The following ZZEF1 variants were observed in gnomAD, a reference collection of about 807,000 sequenced individuals.
ZZEF1 encodes the protein zinc finger ZZ-type and EF-hand domain-containing protein 1.
In ZZEF1, 157 loss-of-function variants were observed where a neutral mutation model predicts 342.8. The observed-to-expected ratio is 0.46, with a 90% confidence interval of 0.40 to 0.52. ZZEF1 has a LOEUF of 0.52. Ranked by LOEUF, ZZEF1 falls within the 20% of genes least tolerant of loss-of-function variation. The probability of loss-of-function intolerance (pLI) is 0.00; values close to 1 mark genes in which losing one functional copy is unlikely to be tolerated. For synonymous variants in ZZEF1, 1,505 were observed against 1,429.1 expected, an observed-to-expected ratio of 1.05 and a Z score of -1.20; for missense variants, 3,480 against 3,725.6, an observed-to-expected ratio of 0.93 and a Z score of 1.72.
At chr17:4,043,163 C>T (rs1344116748) in intron 38 of ZZEF1, among the ~76,000 whole-genome samples, 3 of 152,228 alleles carry the variant, frequency 2.0e-5, no homozygotes, top group Non-Finnish European at 4.4e-5. Context: ...CACCTTTTCA[C>T]ATTCCACATA....
At chr17:4,124,752 C>G (rs909309089) in intron 1 of ZZEF1, among the ~76,000 whole-genome samples, 1 of 152,066 alleles carries the variant, frequency 6.6e-6, no homozygotes, top group African/African-American at 2.4e-5. Flanking sequence ...GCCACCGCGT[C>G]TGCCTGGGCT....
At chr17:4,062,229 T>C (rs1292494018) in intron 30 of ZZEF1, among the ~76,000 whole-genome samples, 3 of 152,050 alleles carry the variant, frequency 2.0e-5, no homozygotes, top group Non-Finnish European at 4.4e-5. Flanking sequence ...CCATCCAAAC[T>C]AGGTCACTGT....
At position 4,095,877 on chromosome 17, in the gene ZZEF1, AT is replaced by A; in HGVS notation, c.1866del (p.Lys622AsnfsTer14). Reference protein sequence around the residue: ...CAEEHFKRFEKYDKWKLQELR... With the variant: ...CAEEHFKRFEXYDKWKLQELR... ...AGCTCCTGAAGCTTCCATTTGTCAT[AT>A]TTTTCAAACCTTTTGAAGTGTTCTT... On this transcript the variant is annotated frameshift_variant, in exon 11 of 55. Coordinates refer to ENST00000381638, the MANE Select transcript of ZZEF1 (RefSeq NM_015113.4). LOFTEE classifies it high-confidence loss of function. 6.2e-7 allele frequency: 1 copy of A among 1,613,458 alleles called. No homozygotes were observed. The highest frequency in any genetic ancestry group is 8.5e-7 in the Non-Finnish European group (1 of 1,179,654).
chr17:4,034,364 C>A, intron 39 of ZZEF1, 72 bp from the exon 40 acceptor site: 1 of 1,516,278 alleles, frequency 6.6e-7, no homozygotes, highest in East Asian at 2.3e-5. Context: ...ATTATATCTC[C>A]CTCCTACCTT....
Position 4,051,019 on chromosome 17 carries a change from C to T in ZZEF1, c.5625G>A (p.Thr1875=), listed in dbSNP as rs149701038. 8.1e-6 allele frequency: 13 copies of T among 1,613,996 alleles called. No homozygotes were observed. The highest frequency in any genetic ancestry group is 2.7e-5 in the African/African-American group (2 of 74,906). The change falls in exon 36 of 55, where the codon ACG becomes ACA. Residue 1875 remains threonine, a synonymous_variant. Coordinates refer to ENST00000381638, the MANE Select transcript of ZZEF1 (RefSeq NM_015113.4). ...SYGHLPTHSI[T]AHPMVTIRIS... ...TCCGAATGGTTACCATTGGGTGGGCCGTGATGCTGTGGGTAGGCAAATGGC... is the reference window on the plus strand; with the variant it reads ...TCCGAATGGTTACCATTGGGTGGGCTGTGATGCTGTGGGTAGGCAAATGGC...
intron 39 of ZZEF1, among the ~76,000 whole-genome samples, chr17:4,038,774 C>T (rs1445512521): frequency 6.6e-6 from 1 of 152,082 alleles, no homozygotes; most frequent in Non-Finnish European, 1.5e-5. Context: ...CCACTGCACT[C>T]CAGCCTGGGC....
In ZZEF1 at chr17:4,142,609, G is replaced by C. The variant is rs776644222; in HGVS notation, c.287C>G (p.Thr96Ser). ...CAGCAGCTCCCGGAACTGCTCCAGA[G>C]TGACAGACTCTTCGCCGCGGCCCAG... ...ERLGRGEESV[T>S]LEQFRELLEA... is the part of the protein sequence containing the mutation. Residue 96 changes from threonine to serine, a missense_variant, in exon 1 of 55, where the codon ACT becomes AGT. By Grantham distance (58) the Thr-to-Ser change is moderately conservative. Transcript: ENST00000381638. 3.1e-6 allele frequency: 5 copies of C among 1,605,540 alleles called. No individual in the cohort carries two copies. The South Asian group carries it at 5.5e-5, about 18-fold the overall frequency.
intron 2 of ZZEF1, among the ~76,000 whole-genome samples, chr17:4,123,295 A>T: frequency 9.5e-6 from 1 of 104,972 alleles, no homozygotes. Context: ...ATATATATAT[A>T]TATATATATA....
At chr17:4,087,386 T>C (rs1468440179) in intron 14 of ZZEF1, 48 bp downstream of exon 14, 2 of 1,468,610 alleles carry the variant, frequency 1.4e-6, no homozygotes, top group Non-Finnish European at 1.9e-6. Context: ...GTAAAACTCA[T>C]TGTTTTCAGT....
chr17:4,087,953 C>T (rs1222330799), intron 13 of ZZEF1, among the ~76,000 whole-genome samples: 1 of 152,176 alleles, frequency 6.6e-6, no homozygotes, highest in Non-Finnish European at 1.5e-5. Context: ...ATCAATCCTT[C>T]CGTAAGCATG....
chr17:4,058,853 GT>G (rs1169766249), intron 31 of ZZEF1, among the ~76,000 whole-genome samples: 3 of 152,258 alleles, frequency 2.0e-5, no homozygotes, highest in African/African-American at 7.2e-5. Context: ...TCTAGCCTGG[GT>G]GACAGCATGA....
In ZZEF1 at chr17:4,039,965, A is replaced by G. The variant is rs554568428; in HGVS notation, c.6306+2464T>C. On this transcript the variant is annotated intron_variant, in intron 39 of 54. Coordinates refer to ENST00000381638, the MANE Select transcript of ZZEF1 (RefSeq NM_015113.4). ...AGCCGAGAACATCTTTTTAAAAATT[A>G]TTTTACAAAATCTTTCTCACAGAGA... is the stretch of plus-strand genomic sequence containing the variant. Among the ~76,000 whole-genome samples the G allele has an allele frequency of 2.0e-4, 30 of 152,260 alleles. No homozygotes were observed. In the South Asian group the frequency reaches 6.2e-3, roughly 32 times the overall value.
intron 16 of ZZEF1, among the ~76,000 whole-genome samples, chr17:4,084,091 G>A (rs568012945): frequency 2.0e-5 from 3 of 152,290 alleles, no homozygotes; most frequent in South Asian, 2.1e-4. Flanking sequence ...GAGAAGCAAC[G>A]ACAGTAAGCA....
chr17:4,019,159 G>C (rs1453779601), intron 46 of ZZEF1, among the ~76,000 whole-genome samples: 2 of 151,970 alleles, frequency 1.3e-5, no homozygotes, highest in Non-Finnish European at 2.9e-5. Context: ...CAAAATAAAA[G>C]AAAAATTAAA....
At chr17:4,059,862 T>C (rs1009972023) in intron 30 of ZZEF1, among the ~76,000 whole-genome samples, 2 of 152,236 alleles carry the variant, frequency 1.3e-5, no homozygotes, top group Non-Finnish European at 2.9e-5. Context: ...ACATCATCTC[T>C]GACACACTGA....
At chr17:4,054,236 A>C (rs2057109724) in intron 33 of ZZEF1, 41 bp from the exon 34 acceptor site, 10 of 1,589,724 alleles carry the variant, frequency 6.3e-6, no homozygotes, top group Non-Finnish European at 6.9e-6. Context: ...TAGATTTTCT[A>C]AGGTGGCCAC....
rs766360509 is a variant in ZZEF1 at position 4,014,483 on chromosome 17, G to C, written c.8178C>G (p.Leu2726=). ...DKVHIPGAIY[L]SIKFDSQCNT... ...TGCACTGAGAGTCGAATTTGATTGA[G>C]AGGTAGATGGCACCAGGAATGTGAA... The change falls in exon 50 of 55, where the codon CTC becomes CTG. Residue 2726 remains leucine, a synonymous_variant. Coordinates refer to ENST00000381638, the MANE Select transcript of ZZEF1 (RefSeq NM_015113.4). The surrounding 1 kb of genome is among the most constrained non-coding windows in gnomAD (Gnocchi z 4.4). 1.2e-6 allele frequency: 2 copies of C among 1,614,102 alleles called. No homozygotes were observed. The highest frequency in any genetic ancestry group is 1.3e-5 in the African/African-American group (1 of 74,938).
rs1458847323 is a variant in ZZEF1, at chr17:4,056,196, C to T, written c.5295+20G>A. ...ACTCCTAGCAAATCACTTCAGAGTA[C>T]TCTAGTTGAGAGGTCTTACTTTCCT... On this transcript the variant is annotated intron_variant, in intron 33 of 54. Transcript: ENST00000381638. The T allele has an allele frequency of 3.2e-6, 5 of 1,559,950 alleles. No individual in the cohort carries two copies. Among genetic ancestry groups the T allele is most frequent in the African/African-American group, 1.4e-5 (1 of 73,232 alleles).
At chr17:4,103,585 G>T (rs535468930) in intron 8 of ZZEF1, among the ~76,000 whole-genome samples, 7 of 151,798 alleles carry the variant, frequency 4.6e-5, no homozygotes, top group Non-Finnish European at 7.4e-5. Context: ...AACATAAAAA[G>T]AAGCCATTAA....
Sources: allele counts gnomAD v4.1 joint callset (sites outside exome capture counted in the v4.1 genomes callset), GRCh38; gene constraint gnomAD v4.1.1; non-coding constraint Gnocchi (gnomAD v3.1); transcripts MANE v1.5; gene names NCBI Gene and HGNC (gene_info 2026-07-23, HGNC 2026-07-21).